SLC13A3: variants seen among roughly 807,000 people sequenced by gnomAD.
SLC13A3 encodes the protein Na(+)/dicarboxylate cotransporter 3.
A neutral mutation model predicts 59.0 loss-of-function variants in SLC13A3; 40 were observed. The ratio of observed to expected loss-of-function variants is 0.68; its 90% CI spans 0.53 to 0.88. The LOEUF is 0.88. SLC13A3 is among the 40% of genes least tolerant of loss of function. The pLI is 0.00. For missense variants in SLC13A3, 699 were observed against 783.2 expected (o/e 0.89, Z 1.28); for synonymous variants, 317 against 330.3 (o/e 0.96, Z 0.44).
intron 3 of SLC13A3, among the ~76,000 whole-genome samples, chr20:46,606,546 G>C (rs1027085868): frequency 6.6e-6 from 1 of 152,138 alleles, no homozygotes; most frequent in Admixed American, 6.6e-5. Context: ...AGATTCAAAA[G>C]CCAGGTGGAA....
intron 1 of SLC13A3, among the ~76,000 whole-genome samples, chr20:46,676,872 C>T (rs956581444): frequency 5.3e-5 from 8 of 152,180 alleles, no homozygotes; most frequent in African/African-American, 9.7e-5. Flanking sequence ...ACATGGCCTA[C>T]GCCAGGGTGG....
At chr20:46,674,598 C>CGTGT (rs1426452317), upstream of SLC13A3, among the ~76,000 whole-genome samples, 2 of 55,902 alleles carry the variant, frequency 3.6e-5, no homozygotes, top group Non-Finnish European at 8.9e-5. Context: ...TGCGCGCGCG[C>CGTGT]GCGCGCGTGT....
intron 10 of SLC13A3, among the ~76,000 whole-genome samples, chr20:46,567,196 CATATATATATGTATTTGTATAT>C (rs1230057394): frequency 2.0e-5 from 3 of 151,954 alleles, no homozygotes; most frequent in African/African-American, 7.3e-5. Flanking sequence ...TCAAAAGCTA[CATATATATATGTATTTGTATAT>C]ATACACACAT....
chr20:46,591,099 G>A (rs1328914857), intron 6 of SLC13A3, among the ~76,000 whole-genome samples: 2 of 151,992 alleles, frequency 1.3e-5, no homozygotes, highest in Non-Finnish European at 2.9e-5. Context: ...GAACCTGGGA[G>A]GTGGAGGTTG....
intron 1 of SLC13A3, among the ~76,000 whole-genome samples, chr20:46,668,664 C>T (rs117003901): frequency 1.3e-5 from 2 of 152,202 alleles, no homozygotes; most frequent in Non-Finnish European, 2.9e-5. Flanking sequence ...CACTGAACAA[C>T]AGATTTTCAA....
intron 1 of SLC13A3, among the ~76,000 whole-genome samples, chr20:46,658,021 T>C (rs2063004984): frequency 6.6e-6 from 1 of 152,092 alleles, no homozygotes; most frequent in Admixed American, 6.6e-5. Flanking sequence ...TCATTACTGC[T>C]GGGGAGTGCT....
At chr20:46,588,373 C>A (rs960129697) in intron 7 of SLC13A3, among the ~76,000 whole-genome samples, 48 of 152,198 alleles carry the variant, frequency 3.2e-4, no homozygotes, top group Admixed American at 4.6e-4. Context: ...CTTCCACGAT[C>A]CCTCAGGATC....
intron 3 of SLC13A3, among the ~76,000 whole-genome samples, chr20:46,608,522 C>T (rs556731992): frequency 2.0e-5 from 3 of 152,196 alleles, no homozygotes; most frequent in South Asian, 4.1e-4. Context: ...GACTCTGCCA[C>T]TTTGCCAATG....
chr20:46,658,082 A>G (rs1362244385), intron 1 of SLC13A3, among the ~76,000 whole-genome samples: 1 of 152,018 alleles, frequency 6.6e-6, no homozygotes, highest in East Asian at 1.9e-4. Flanking sequence ...TGGCTAGAGG[A>G]GTAGGAGTGC....
At chr20:46,634,925 C>T (rs1035222292) in intron 1 of SLC13A3, among the ~76,000 whole-genome samples, 5 of 152,172 alleles carry the variant, frequency 3.3e-5, no homozygotes, top group African/African-American at 1.2e-4. Flanking sequence ...CTCTATGTCC[C>T]TTTTCCCCTG....
intron 5 of SLC13A3, among the ~76,000 whole-genome samples, chr20:46,593,217 G>A (rs116296409): frequency 0.014 from 2,161 of 152,278 alleles, 61 homozygotes; most frequent in African/African-American, 0.049. Context: ...ATGTTTGTTC[G>A]TCAGAATATT....
chr20:46,628,545 T>C (rs761215), intron 1 of SLC13A3, among the ~76,000 whole-genome samples: 84,222 of 151,844 alleles, frequency 0.55, 23,728 homozygotes, highest in East Asian at 0.78. Flanking sequence ...AGGCTGACCC[T>C]AGAGGCCAGA....
chr20:46,610,742 C>T (rs994462754), intron 2 of SLC13A3, 133 bp from the exon 3 acceptor site: 1 of 701,436 alleles, frequency 1.4e-6, no homozygotes, highest in Non-Finnish European at 2.3e-6. Flanking sequence ...AAGCAGAAAC[C>T]AAATCCACTC....
In SLC13A3 at chr20:46,573,067, G is replaced by A. The variant is rs1223593423; in HGVS notation, c.1332+2506C>T. On this transcript the variant is annotated intron_variant, in intron 10 of 12. Transcript: ENST00000279027. The stretch of plus-strand genomic sequence containing the variant: ...CTCTGTGTCTCACGATTCCTAAAAT[G>A]GAGACAAATAACAGTACTTTTGCTC... Among the ~76,000 whole-genome samples the A allele has an allele frequency of 3.3e-5, 5 of 152,296 alleles. No individual in the cohort carries two copies. The South Asian group carries it at 6.2e-4, about 19-fold the overall frequency.
intron 5 of SLC13A3, among the ~76,000 whole-genome samples, chr20:46,592,869 G>C (rs916253566): frequency 3.1e-4 from 47 of 152,300 alleles, no homozygotes; most frequent in African/African-American, 9.4e-4. Context: ...GCTGCTATTT[G>C]CTTCCCCATG....
rs535639476 is a variant in SLC13A3, at chr20:46,624,390, C to T, written c.112-10665G>A. Reference sequence around the variant, plus strand: ...GTTTAATTGTGATTGTCACAACAGCCCTATGCAGGAGGTTCCATGATTATC... The same window carrying T: ...GTTTAATTGTGATTGTCACAACAGCTCTATGCAGGAGGTTCCATGATTATC... On this transcript the variant is annotated intron_variant, in intron 1 of 12. Coordinates refer to ENST00000279027, the MANE Select transcript of SLC13A3 (RefSeq NM_022829.6). 3.5e-4 allele frequency among the ~76,000 whole-genome samples: 53 copies of T among 152,278 alleles called. 1 individual carries two copies. In the South Asian group the frequency reaches 9.1e-3, roughly 26 times the overall value.
chr20:46,617,976 C>G (rs1031788905), intron 1 of SLC13A3, among the ~76,000 whole-genome samples: 2 of 152,180 alleles, frequency 1.3e-5, no homozygotes, highest in African/African-American at 4.8e-5. Context: ...TATGAGTCCT[C>G]GGTGGAGATT....
At chr20:46,580,181 CGTGACCTCAG>C (rs1198073531) in intron 9 of SLC13A3, among the ~76,000 whole-genome samples, 1 of 152,148 alleles carries the variant, frequency 6.6e-6, no homozygotes, top group African/African-American at 2.4e-5. Flanking sequence ...CTCTTAGACT[CGTGACCTCAG>C]GTGATCCACC....
chr20:46,580,685 T>C (rs370157306), intron 9 of SLC13A3, among the ~76,000 whole-genome samples: 2 of 151,736 alleles, frequency 1.3e-5, no homozygotes, highest in South Asian at 2.1e-4. Flanking sequence ...CCCAGAAAAT[T>C]AGTAGCAGAG....
Sources: allele counts gnomAD v4.1 joint callset (sites outside exome capture counted in the v4.1 genomes callset), GRCh38; gene constraint gnomAD v4.1.1; transcripts MANE v1.5; gene names NCBI Gene and HGNC (gene_info 2026-07-23, HGNC 2026-07-21).